OPCML: variants seen among roughly 807,000 people sequenced by gnomAD.
OPCML encodes opioid-binding protein/cell adhesion molecule.
A neutral mutation model predicts 37.8 loss-of-function variants in OPCML; 13 were observed. The observed-to-expected ratio is 0.34, with a 90% confidence interval of 0.22 to 0.55. OPCML has a LOEUF of 0.55. Ranked by LOEUF, OPCML falls within the 20% of genes least tolerant of loss-of-function variation. The pLI, the probability that OPCML is intolerant of heterozygous loss-of-function variation, is 0.91. For synonymous variants in OPCML, 176 were observed against 168.8 expected (o/e 1.04, Z -0.33); for missense variants, 341 against 435.6 (o/e 0.78, Z 1.93).
At chr11:132,937,586 CGTGTGTGGGGTGTGTGTGTGTGTGT>C in intron 2 of OPCML, among the ~76,000 whole-genome samples, 1 of 99,480 alleles carries the variant, frequency 1.0e-5, no homozygotes, top group African/African-American at 3.8e-5. Flanking sequence ...GTGTGTGTGG[CGTGTGTGGGGTGTGTGTGTGTGTGT>C]GTGTGTGTGT....
intron 1 of OPCML, among the ~76,000 whole-genome samples, chr11:133,502,775 G>C (rs1365605798): frequency 6.6e-6 from 1 of 152,160 alleles, no homozygotes; most frequent in East Asian, 1.9e-4. Flanking sequence ...GGAGATGTGT[G>C]CCGTTGCCTA....
Position 133,034,566 on chromosome 11 carries a change from G to T in OPCML, c.62-91556C>A, listed in dbSNP as rs925696965. ...CAGCTTTATCTCCTTCTAACTCTGT[G>T]ACCTTGGTCAAATTGCTGACCTTTA... On this transcript the variant is annotated intron_variant, in intron 1 of 7. Transcript: ENST00000524381. Among the ~76,000 whole-genome samples the T allele has an allele frequency of 1.1e-4, 17 of 152,238 alleles. 1 individual carries two copies. The highest frequency in any genetic ancestry group is 9.8e-4 in the Admixed American group (15 of 15,296).
intron 1 of OPCML, among the ~76,000 whole-genome samples, chr11:133,134,011 C>T (rs1949644332): frequency 6.6e-6 from 1 of 152,162 alleles, no homozygotes; most frequent in Non-Finnish European, 1.5e-5. Context: ...GAGATCGCTC[C>T]TGAACTCCTT....
At chr11:133,140,730 C>CGGAA (rs1565467757) in intron 1 of OPCML, among the ~76,000 whole-genome samples, 30 of 26,606 alleles carry the variant, frequency 1.1e-3, no homozygotes, top group Middle Eastern at 0.023. Flanking sequence ...CGGAAGACGA[C>CGGAA]GACGACGACG....
intron 2 of OPCML, among the ~76,000 whole-genome samples, chr11:132,704,039 G>GT (rs1165649174): frequency 6.6e-6 from 1 of 152,056 alleles, no homozygotes; most frequent in African/African-American, 2.4e-5. Flanking sequence ...TGTTTGGTTG[G>GT]TTTTTTTGCA....
chr11:132,444,729 G>A (rs768252967), intron 4 of OPCML, among the ~76,000 whole-genome samples: 9 of 151,392 alleles, frequency 5.9e-5, no homozygotes, highest in Non-Finnish European at 1.0e-4. Flanking sequence ...CCCCAACTCC[G>A]TCCCCCGCCC....
chr11:133,529,344 C>T (rs1371294981), intron 1 of OPCML, among the ~76,000 whole-genome samples: 1 of 152,180 alleles, frequency 6.6e-6, no homozygotes, highest in Non-Finnish European at 1.5e-5. Context: ...GACCCAAGGT[C>T]AAGAAGGCCA....
At chr11:132,761,169 T>G (rs1476593654) in intron 2 of OPCML, among the ~76,000 whole-genome samples, 1 of 152,158 alleles carries the variant, frequency 6.6e-6, no homozygotes, top group Non-Finnish European at 1.5e-5. Context: ...AGAGATCTGC[T>G]GTTAGTCTGA....
chr11:133,025,595 TC>T (rs1947538582), intron 1 of OPCML: 1 of 465,604 alleles, frequency 2.1e-6, no homozygotes, highest in South Asian at 9.2e-5. Flanking sequence ...TTAATTTCAT[TC>T]TTTTTTAATC....
At chr11:132,578,325 A>T (rs2096455330) in intron 3 of OPCML, among the ~76,000 whole-genome samples, 1 of 152,232 alleles carries the variant, frequency 6.6e-6, no homozygotes, top group African/African-American at 2.4e-5. Flanking sequence ...ATATTCCAAA[A>T]AAAACAAGTT....
At chr11:133,354,733 C>T (rs1272867943) in intron 1 of OPCML, among the ~76,000 whole-genome samples, 1 of 152,166 alleles carries the variant, frequency 6.6e-6, no homozygotes, top group Admixed American at 6.5e-5. Flanking sequence ...TTGATTTCAA[C>T]ATATTCTTTT....
intron 3 of OPCML, among the ~76,000 whole-genome samples, chr11:132,555,750 C>G (rs1565661680): frequency 6.6e-6 from 1 of 152,044 alleles, no homozygotes; most frequent in Non-Finnish European, 1.5e-5. Context: ...CACTGTTAAT[C>G]AGAATTCTGG....
At chr11:133,482,558 G>A (rs1257364472) in intron 1 of OPCML, among the ~76,000 whole-genome samples, 1 of 152,078 alleles carries the variant, frequency 6.6e-6, no homozygotes, top group Non-Finnish European at 1.5e-5. Flanking sequence ...GTGAGTGGGA[G>A]GAGGCTGCTG....
At chr11:133,477,768 G>A (rs1450675658) in intron 1 of OPCML, among the ~76,000 whole-genome samples, 3 of 152,228 alleles carry the variant, frequency 2.0e-5, no homozygotes, top group Non-Finnish European at 4.4e-5. Flanking sequence ...CTCCTGGGGA[G>A]AACATTTATA....
At chr11:133,171,884 G>A (rs962284800) in intron 1 of OPCML, among the ~76,000 whole-genome samples, 7 of 152,150 alleles carry the variant, frequency 4.6e-5, no homozygotes, top group Non-Finnish European at 1.0e-4. Flanking sequence ...AGAAGGCCAG[G>A]GGCTGGAACC....
At chr11:132,688,443 C>G (rs1194885203) in intron 2 of OPCML, among the ~76,000 whole-genome samples, 1 of 152,046 alleles carries the variant, frequency 6.6e-6, no homozygotes, top group Non-Finnish European at 1.5e-5. Context: ...CTTTCCTGGG[C>G]CTCAGTTATC....
At chr11:133,185,779 C>A (rs1938044044) in intron 1 of OPCML, among the ~76,000 whole-genome samples, 1 of 152,164 alleles carries the variant, frequency 6.6e-6, no homozygotes, top group East Asian at 1.9e-4. Flanking sequence ...TCCTTCCTTG[C>A]ACTCCCATTT....
intron 2 of OPCML, among the ~76,000 whole-genome samples, chr11:132,807,015 C>A (rs979543166): frequency 1.3e-5 from 2 of 152,044 alleles, no homozygotes; most frequent in Non-Finnish European, 2.9e-5. Context: ...GTTAGAGATG[C>A]CCCTAACGGA....
intron 1 of OPCML, among the ~76,000 whole-genome samples, chr11:133,529,709 T>C (rs1948564420): frequency 6.6e-6 from 1 of 152,244 alleles, no homozygotes; most frequent in South Asian, 2.1e-4. Context: ...CCTTTGGTTT[T>C]TAGACGCAGT....
Sources: gnomAD v4.1 joint callset for allele counts (sites outside exome capture counted in the v4.1 genomes callset) on GRCh38, gnomAD v4.1.1 for gene constraint, MANE v1.5 for transcripts, NCBI Gene and HGNC (gene_info 2026-07-23, HGNC 2026-07-21) for gene names.